Variants in TUSC3 observed in about 807,000 individuals in gnomAD.
TUSC3 encodes the protein dolichyl-diphosphooligosaccharide--protein glycosyltransferase subunit TUSC3.
Under a neutral mutation model 44.8 loss-of-function variants are expected in TUSC3, and 45 were observed. That is an observed-to-expected ratio of 1.00 (90% CI 0.79 to 1.29). The LOEUF is 1.29. Among genes scored for constraint, TUSC3 ranks in the 50% most tolerant of loss-of-function variants. The pLI is 0.00. For missense variants in TUSC3, 519 were observed against 437.9 expected, an observed-to-expected ratio of 1.19 and a Z score of -1.65; for synonymous variants, 212 against 152.9, an observed-to-expected ratio of 1.39 and a Z score of -2.85.
chr8:15,547,807 G>T (rs1187297154), intron 1 of TUSC3, among the ~76,000 whole-genome samples: 3 of 151,192 alleles, frequency 2.0e-5, no homozygotes, highest in Non-Finnish European at 3.0e-5. Flanking sequence ...TTGCATTATG[G>T]GTACTTGAGT....
chr8:15,426,202 C>T lies in TUSC3; in HGVS notation n.91+8897C>T, dbSNP rs190653953. 4.5e-3 allele frequency among the ~76,000 whole-genome samples: 688 copies of T among 152,282 alleles called. 7 individuals are homozygous for T. Among genetic ancestry groups the T allele is most frequent in the African/African-American group, 0.016 (669 of 41,576 alleles). On this transcript the variant is annotated intron_variant and non_coding_transcript_variant, in intron 1 of 5. Coordinates refer to the TUSC3 transcript ENST00000503191. ...ATCAAGGTAACAGTCATGTCCACAA[C>T]CTCTCAGTTTCCTTGTATTCGTTTG... is the stretch of plus-strand genomic sequence containing the variant.
At chr8:15,498,977 A>T (rs1346565985) in intron 2 of TUSC3, among the ~76,000 whole-genome samples, 1 of 152,134 alleles carries the variant, frequency 6.6e-6, no homozygotes. Flanking sequence ...CATAGACCTT[A>T]TGGAACTAGT....
the TUSC3 span, among the ~76,000 whole-genome samples, chr8:15,850,369 A>G: frequency 6.6e-6 from 1 of 152,180 alleles, no homozygotes; most frequent in Non-Finnish European, 1.5e-5. Context: ...AGTTGATTAT[A>G]TAAATGGCTA....
At chr8:15,469,040 G>A (rs1800450952) in intron 1 of TUSC3, among the ~76,000 whole-genome samples, 1 of 152,000 alleles carries the variant, frequency 6.6e-6, no homozygotes, top group Non-Finnish European at 1.5e-5. Context: ...AACGCAGAGG[G>A]GAAAGTCAGA....
intron 2 of TUSC3, among the ~76,000 whole-genome samples, chr8:15,533,877 A>G (rs1801483645): frequency 6.6e-6 from 1 of 152,066 alleles, no homozygotes; most frequent in Non-Finnish European, 1.5e-5. Context: ...TGGGGCTGGC[A>G]TGTCTGTGGT....
intron 2 of TUSC3, among the ~76,000 whole-genome samples, chr8:15,494,567 T>C (rs1464449265): frequency 6.6e-6 from 1 of 152,178 alleles, no homozygotes; most frequent in Non-Finnish European, 1.5e-5. Context: ...TCTGCACGCC[T>C]CAGCTTCCCA....
At chr8:15,738,222 G>A (rs1432985003) in intron 7 of TUSC3, among the ~76,000 whole-genome samples, 1 of 152,278 alleles carries the variant, frequency 6.6e-6, no homozygotes, top group African/African-American at 2.4e-5. Flanking sequence ...TCTTGAGGTT[G>A]TATATAACCT....
At chr8:15,642,554 C>T (rs1448996737) in intron 2 of TUSC3, among the ~76,000 whole-genome samples, 2 of 152,104 alleles carry the variant, frequency 1.3e-5, no homozygotes, top group Non-Finnish European at 2.9e-5. Context: ...TGATTCATTA[C>T]AATAAAGGTC....
At chr8:15,446,265 C>A (rs984726511) in intron 1 of TUSC3, among the ~76,000 whole-genome samples, 1 of 151,436 alleles carries the variant, frequency 6.6e-6, no homozygotes, top group Non-Finnish European at 1.5e-5. Context: ...CGGGAAGAGG[C>A]GCTCCTCACT....
the TUSC3 span, among the ~76,000 whole-genome samples, chr8:15,845,110 C>CA: frequency 6.6e-6 from 1 of 152,112 alleles, no homozygotes. Context: ...CTAGAGAAGG[C>CA]AAAATCATAA....
intron 1 of TUSC3, among the ~76,000 whole-genome samples, chr8:15,419,314 T>C (rs1311632014): frequency 3.3e-5 from 5 of 152,234 alleles, no homozygotes; most frequent in Non-Finnish European, 7.3e-5. Flanking sequence ...AAGAATGAGC[T>C]ATTGCAGTAC....
intron 8 of TUSC3, among the ~76,000 whole-genome samples, chr8:15,745,655 G>T (rs1811384351): frequency 2.0e-5 from 3 of 150,502 alleles, no homozygotes; most frequent in Non-Finnish European, 4.4e-5. Flanking sequence ...GTTGTTTTTT[G>T]CTTGTGGATT....
intron 2 of TUSC3, among the ~76,000 whole-genome samples, chr8:15,497,347 G>C (rs183118936): frequency 6.6e-6 from 1 of 152,248 alleles, no homozygotes; most frequent in East Asian, 1.9e-4. Context: ...TCAAGCTTAG[G>C]GTACCCAAAT....
At chr8:15,801,522 A>T in the TUSC3 span, among the ~76,000 whole-genome samples, 1 of 152,122 alleles carries the variant, frequency 6.6e-6, no homozygotes, top group African/African-American at 2.4e-5. Context: ...AAAAAGAGAG[A>T]AATACAAAGT....
chr8:15,488,436 A>T (rs1800763112), intron 2 of TUSC3, among the ~76,000 whole-genome samples: 1 of 152,168 alleles, frequency 6.6e-6, no homozygotes, highest in Non-Finnish European at 1.5e-5. Flanking sequence ...CAGGAGGCCA[A>T]GGCTGCAGTA....
chr8:15,664,215 G>T (rs1474406660), intron 5 of TUSC3, among the ~76,000 whole-genome samples: 1 of 151,666 alleles, frequency 6.6e-6, no homozygotes, highest in Non-Finnish European at 1.5e-5. Flanking sequence ...TGATTGAACT[G>T]AGATTTGATC....
chr8:15,713,990 C>T (rs1809964053), intron 6 of TUSC3, among the ~76,000 whole-genome samples: 1 of 152,124 alleles, frequency 6.6e-6, no homozygotes, highest in South Asian at 2.1e-4. Context: ...TAATGGCTTA[C>T]TGATTAAGTT....
At chr8:15,543,910 TTGTGTGTG>T (rs34091995) in intron 1 of TUSC3, among the ~76,000 whole-genome samples, 2 of 148,812 alleles carry the variant, frequency 1.3e-5, no homozygotes, top group Non-Finnish European at 3.0e-5. Context: ...TCCCATGGAT[TTGTGTGTG>T]TGTGTGTGTG....
At chr8:15,834,961 G>A in the TUSC3 span, among the ~76,000 whole-genome samples, 1 of 152,160 alleles carries the variant, frequency 6.6e-6, no homozygotes, top group Non-Finnish European at 1.5e-5. Context: ...GTATGCACAG[G>A]TTAGGACATG....
Sources: allele counts gnomAD v4.1 joint callset (sites outside exome capture counted in the v4.1 genomes callset), GRCh38; gene constraint gnomAD v4.1.1; transcripts MANE v1.5; gene names NCBI Gene and HGNC (gene_info 2026-07-23, HGNC 2026-07-21).